SLC9A9: variants seen among roughly 807,000 people sequenced by gnomAD.
SLC9A9 encodes the protein sodium/hydrogen exchanger 9.
A neutral mutation model predicts 77.8 loss-of-function variants in SLC9A9; 62 were observed. The observed-to-expected ratio is 0.80, with a 90% confidence interval of 0.65 to 0.98. SLC9A9 has a LOEUF of 0.98. Ranked by LOEUF, SLC9A9 falls within the 50% of genes least tolerant of loss-of-function variation. The pLI, the probability that SLC9A9 is intolerant of heterozygous loss-of-function variation, is 0.00. For missense variants in SLC9A9, 775 were observed against 774.9 expected (o/e 1.00, Z 0.00); for synonymous variants, 320 against 283.5 (o/e 1.13, Z -1.29).
chr3:143,434,621 G>A (rs2034587951), intron 12 of SLC9A9, among the ~76,000 whole-genome samples: 1 of 152,048 alleles, frequency 6.6e-6, no homozygotes, highest in South Asian at 2.1e-4. Flanking sequence ...CGCCTATGCT[G>A]CCTCTGAAAC....
At chr3:143,734,281 T>C (rs1462953908) in intron 4 of SLC9A9, among the ~76,000 whole-genome samples, 2 of 152,222 alleles carry the variant, frequency 1.3e-5, no homozygotes. Flanking sequence ...CCAGGCATAA[T>C]GGTGATTTGA....
At position 143,456,315 on chromosome 3, in the gene SLC9A9, G is replaced by C. The variant is rs1014998243; in HGVS notation, c.1469+10722C>G. ...CTTGATATTCTAGTATTCTGTGCAA[G>C]ATTTTTGCATCTATGTGTATAAAAA... is the stretch of plus-strand genomic sequence containing the variant. On this transcript the variant is annotated intron_variant, in intron 12 of 15. Coordinates refer to ENST00000316549, the MANE Select transcript of SLC9A9 (RefSeq NM_173653.4). 8.5e-5 allele frequency among the ~76,000 whole-genome samples: 13 copies of C among 152,126 alleles called. 2 individuals carry two copies. Among genetic ancestry groups the C allele is most frequent in the Middle Eastern group, 3.4e-3 (1 of 292 alleles).
Position 143,493,866 on chromosome 3 carries a change from C to T in SLC9A9, c.1204-102G>A. On this transcript the variant is annotated intron_variant, in intron 10 of 15. Coordinates refer to ENST00000316549, the MANE Select transcript of SLC9A9 (RefSeq NM_173653.4). ...GTCCTCAAGCTTCTCTTCATTATGACCCCAAAACCAGAAATAAACATGTCA... is the reference window on the plus strand; with the variant it reads ...GTCCTCAAGCTTCTCTTCATTATGATCCCAAAACCAGAAATAAACATGTCA... The T allele has an allele frequency of 2.9e-5, 25 of 849,192 alleles. 1 individual carries two copies. In the South Asian group the frequency reaches 3.4e-4, roughly 11 times the overall value. 52.6% of individuals were successfully genotyped at this position (849,192 alleles called of 1,614,324 possible).
chr3:143,529,385 A>C (rs999425426), intron 9 of SLC9A9, among the ~76,000 whole-genome samples: 6 of 152,230 alleles, frequency 3.9e-5, no homozygotes, highest in Non-Finnish European at 7.3e-5. Flanking sequence ...GTTCTATTAA[A>C]ACATTTTTAA....
At chr3:143,690,440 C>T (rs1369777488) in intron 5 of SLC9A9, among the ~76,000 whole-genome samples, 2 of 152,168 alleles carry the variant, frequency 1.3e-5, no homozygotes, top group African/African-American at 2.4e-5. Flanking sequence ...AAATTTCTCT[C>T]TTAGAAAAAG....
chr3:143,684,940 C>T (rs1933214351), intron 5 of SLC9A9, among the ~76,000 whole-genome samples: 1 of 151,958 alleles, frequency 6.6e-6, no homozygotes, highest in Non-Finnish European at 1.5e-5. Flanking sequence ...CTATGTGGTG[C>T]ATTGTATCTG....
chr3:143,791,204 G>A (rs922387568), intron 4 of SLC9A9, among the ~76,000 whole-genome samples: 4 of 152,124 alleles, frequency 2.6e-5, no homozygotes, highest in South Asian at 2.1e-4. Context: ...AATTCTTTCC[G>A]AGCAATCTAT....
At chr3:143,457,925 A>C (rs934726031) in intron 12 of SLC9A9, among the ~76,000 whole-genome samples, 4 of 152,198 alleles carry the variant, frequency 2.6e-5, no homozygotes, top group Non-Finnish European at 2.9e-5. Context: ...TGTTGGGTAG[A>C]GTGTTCTATA....
At chr3:143,722,604 C>T (rs1007943700) in intron 4 of SLC9A9, among the ~76,000 whole-genome samples, 4 of 152,144 alleles carry the variant, frequency 2.6e-5, no homozygotes, top group African/African-American at 7.2e-5. Flanking sequence ...TTTGACTTCC[C>T]TCCTTTCTAC....
At chr3:143,694,996 T>C (rs1243786879) in intron 4 of SLC9A9, among the ~76,000 whole-genome samples, 1 of 152,074 alleles carries the variant, frequency 6.6e-6, no homozygotes, top group Non-Finnish European at 1.5e-5. Context: ...ATTAAATATC[T>C]GAGAAAGACT....
intron 14 of SLC9A9, among the ~76,000 whole-genome samples, chr3:143,350,656 C>T (rs2032425704): frequency 6.6e-6 from 1 of 152,178 alleles, no homozygotes; most frequent in South Asian, 2.1e-4. Flanking sequence ...GTTTCATTCA[C>T]CTTTTTCCAT....
chr3:143,631,055 A>G (rs2038415859), intron 6 of SLC9A9, among the ~76,000 whole-genome samples: 2 of 152,184 alleles, frequency 1.3e-5, no homozygotes, highest in Admixed American at 6.6e-5. Context: ...ATTAAACAGG[A>G]TAAGTCCTTA....
At chr3:143,780,224 A>G (rs1053457735) in intron 4 of SLC9A9, among the ~76,000 whole-genome samples, 5 of 152,256 alleles carry the variant, frequency 3.3e-5, no homozygotes, top group African/African-American at 9.6e-5. Context: ...AAATTATAAA[A>G]AATCAATAGG....
intron 12 of SLC9A9, among the ~76,000 whole-genome samples, chr3:143,460,586 C>G (rs2035173321): frequency 6.6e-6 from 1 of 152,108 alleles, no homozygotes; most frequent in African/African-American, 2.4e-5. Context: ...ATGAGAGAAG[C>G]TTATTGATAC....
At chr3:143,279,897 G>A (rs934547944) in intron 14 of SLC9A9, among the ~76,000 whole-genome samples, 1 of 152,146 alleles carries the variant, frequency 6.6e-6, no homozygotes, top group African/African-American at 2.4e-5. Flanking sequence ...ATGGCTCACT[G>A]CAGCCTCGAC....
intron 6 of SLC9A9, among the ~76,000 whole-genome samples, chr3:143,584,685 T>A (rs1421643336): frequency 6.6e-6 from 1 of 152,240 alleles, no homozygotes; most frequent in Non-Finnish European, 1.5e-5. Context: ...GAAATGGATC[T>A]TTTTTCCAAT....
chr3:143,643,733 G>C (rs933163033), intron 6 of SLC9A9, among the ~76,000 whole-genome samples: 1 of 152,080 alleles, frequency 6.6e-6, no homozygotes, highest in African/African-American at 2.4e-5. Context: ...GAACATTCTA[G>C]GATCATGAAA....
At chr3:143,462,569 C>A (rs1012612048) in intron 12 of SLC9A9, among the ~76,000 whole-genome samples, 2 of 152,006 alleles carry the variant, frequency 1.3e-5, no homozygotes, top group African/African-American at 4.8e-5. Context: ...ATTCTAAATT[C>A]CTGTAATTGA....
chr3:143,439,479 C>T (rs2034686172), intron 12 of SLC9A9, among the ~76,000 whole-genome samples: 1 of 152,160 alleles, frequency 6.6e-6, no homozygotes, highest in Non-Finnish European at 1.5e-5. Context: ...GAAGTCACCA[C>T]ACTGAGCACC....
Sources: gnomAD v4.1 joint callset for allele counts (sites outside exome capture counted in the v4.1 genomes callset) on GRCh38, gnomAD v4.1.1 for gene constraint, MANE v1.5 for transcripts, NCBI Gene and HGNC (gene_info 2026-07-23, HGNC 2026-07-21) for gene names.